ANK3: variants seen among roughly 807,000 people sequenced by gnomAD.
ANK3 encodes the protein ankyrin-3.
A neutral mutation model predicts 370.9 loss-of-function variants in ANK3; 57 were observed. The ratio of observed to expected loss-of-function variants is 0.15; its 90% CI spans 0.12 to 0.19. ANK3 has a LOEUF of 0.19. Ranked by LOEUF, ANK3 falls within the 10% of genes least tolerant of loss-of-function variation. ANK3 has a pLI of 1.00. For missense variants in ANK3, 4,439 were observed against 5,302.1 expected (o/e 0.84, Z 5.06); for synonymous variants, 1,929 against 1,946.3 (o/e 0.99, Z 0.23).
chr10:60,432,865 A>G (rs1374834823), intron 2 of ANK3, among the ~76,000 whole-genome samples: 1 of 152,170 alleles, frequency 6.6e-6, no homozygotes, highest in Non-Finnish European at 1.5e-5. Context: ...AAAGTCATTT[A>G]CAGAATAAAT....
At chr10:60,272,775 CCT>C (rs1491478237) in intron 4 of ANK3, among the ~76,000 whole-genome samples, 6 of 96,616 alleles carry the variant, frequency 6.2e-5, no homozygotes, top group South Asian at 8.3e-4. Context: ...ACCACACCCA[CCT>C]TTTTTTTTTT....
At chr10:60,610,841 C>A (rs941575679) in intron 2 of ANK3, among the ~76,000 whole-genome samples, 3 of 152,054 alleles carry the variant, frequency 2.0e-5, no homozygotes, top group Non-Finnish European at 4.4e-5. Flanking sequence ...AACAGAGGGG[C>A]AATTGAAAAA....
chr10:60,727,620 A>G (rs2079960010), intron 1 of ANK3, among the ~76,000 whole-genome samples: 1 of 152,222 alleles, frequency 6.6e-6, no homozygotes, highest in Admixed American at 6.5e-5. Flanking sequence ...CAAGCAAAAC[A>G]AGAATCTATT....
At chr10:60,539,890 A>T (rs1230308215) in intron 2 of ANK3, among the ~76,000 whole-genome samples, 1 of 151,964 alleles carries the variant, frequency 6.6e-6, no homozygotes, top group Non-Finnish European at 1.5e-5. Flanking sequence ...TATACCACGA[A>T]GCTAATATTC....
chr10:60,126,920 G>A (rs991195818), intron 25 of ANK3, among the ~76,000 whole-genome samples: 3 of 152,152 alleles, frequency 2.0e-5, no homozygotes, highest in African/African-American at 7.2e-5. Flanking sequence ...AACCACATTA[G>A]TAATGACAGA....
At chr10:60,118,918 GC>G (rs1205240778) in intron 25 of ANK3, among the ~76,000 whole-genome samples, 10 of 152,192 alleles carry the variant, frequency 6.6e-5, no homozygotes, top group African/African-American at 2.4e-4. Context: ...GCCAGAGTGT[GC>G]CAGGACATGG....
At chr10:60,098,143 T>C (rs1161462472) in intron 28 of ANK3, among the ~76,000 whole-genome samples, 1 of 151,770 alleles carries the variant, frequency 6.6e-6, no homozygotes, top group African/African-American at 2.4e-5. Context: ...CTGGGATGGA[T>C]ATGACAAAAA....
At chr10:60,463,826 C>A (rs544920889) in intron 2 of ANK3, among the ~76,000 whole-genome samples, 1 of 136,118 alleles carries the variant, frequency 7.3e-6, no homozygotes, top group East Asian at 2.5e-4. Flanking sequence ...ACTCTTTCTC[C>A]TCTAGAAAGA....
intron 1 of ANK3, chr10:60,615,257 CATG>C (rs1185386217): frequency 6.8e-7 from 1 of 1,462,590 alleles, no homozygotes; most frequent in Admixed American, 2.3e-5. Flanking sequence ...ATTTAGCAAA[CATG>C]AAAGAATTCC....
intron 28 of ANK3, among the ~76,000 whole-genome samples, chr10:60,095,870 C>T (rs1330903835): frequency 6.6e-6 from 1 of 152,074 alleles, no homozygotes. Flanking sequence ...TTTTGTATTA[C>T]ATATTTTAAA....
chr10:60,469,980 G>T (rs1190016478), intron 2 of ANK3, among the ~76,000 whole-genome samples: 1 of 151,954 alleles, frequency 6.6e-6, no homozygotes, highest in Non-Finnish European at 1.5e-5. Flanking sequence ...CTATTTATCT[G>T]TGTGTAATTT....
intron 7 of ANK3, among the ~76,000 whole-genome samples, chr10:60,240,306 A>ATATATATATTTTT (rs11282162): frequency 1.8e-4 from 22 of 119,752 alleles, no homozygotes; most frequent in Non-Finnish European, 3.4e-4. Flanking sequence ...ATATATATAT[A>ATATATATATTTTT]TTTTTTTTTC....
At chr10:60,236,122 C>T (rs1341258038) in intron 7 of ANK3, among the ~76,000 whole-genome samples, 3 of 151,986 alleles carry the variant, frequency 2.0e-5, no homozygotes, top group Admixed American at 6.6e-5. Flanking sequence ...AACCTTTAGC[C>T]AATATTATTT....
intron 2 of ANK3, among the ~76,000 whole-genome samples, chr10:60,475,012 C>T (rs2133089668): frequency 6.6e-6 from 1 of 152,162 alleles, no homozygotes; most frequent in East Asian, 1.9e-4. Flanking sequence ...TAACCCCAAA[C>T]CTTTAGTCTT....
At chr10:60,588,734 T>C (rs1246539797) in intron 2 of ANK3, among the ~76,000 whole-genome samples, 1 of 134,328 alleles carries the variant, frequency 7.4e-6, no homozygotes, top group Non-Finnish European at 1.6e-5. Context: ...TAGTGAGACC[T>C]TGTCTCTACA....
chr10:60,520,481 T>C (rs1402228001), intron 2 of ANK3, among the ~76,000 whole-genome samples: 1 of 152,108 alleles, frequency 6.6e-6, no homozygotes, highest in East Asian at 1.9e-4. Flanking sequence ...TTCCAATCCA[T>C]TCATAGGAAT....
At chr10:60,044,695 C>T (rs900849979) in intron 42 of ANK3, 1 of 152,188 alleles carries the variant, frequency 6.6e-6, no homozygotes, top group East Asian at 1.9e-4. Flanking sequence ...GATCGTCTCA[C>T]TTTAAGCACT....
intron 23 of ANK3, among the ~76,000 whole-genome samples, chr10:60,161,699 A>G (rs1292561662): frequency 6.6e-6 from 1 of 152,122 alleles, no homozygotes; most frequent in Non-Finnish European, 1.5e-5. Flanking sequence ...AATTGAACTC[A>G]TGGAGATAGA....
At chr10:60,563,857 TCTCA>T (rs1289052181) in intron 2 of ANK3, among the ~76,000 whole-genome samples, 6 of 152,166 alleles carry the variant, frequency 3.9e-5, no homozygotes, top group Admixed American at 6.5e-5. Context: ...AGTAAATCTA[TCTCA>T]CTAAGTTTGA....
Sources: gnomAD v4.1 joint callset for allele counts (sites outside exome capture counted in the v4.1 genomes callset) on GRCh38, gnomAD v4.1.1 for gene constraint, MANE v1.5 for transcripts, NCBI Gene and HGNC (gene_info 2026-07-23, HGNC 2026-07-21) for gene names.